Variants in KCNJ15 observed in about 807,000 individuals in gnomAD.
The protein encoded by KCNJ15 is ATP-sensitive inward rectifier potassium channel 15.
A neutral mutation model predicts 23.0 loss-of-function variants in KCNJ15; 14 were observed. That is an observed-to-expected ratio of 0.61 (90% CI 0.40 to 0.95). The LOEUF (loss-of-function observed/expected upper bound fraction) is 0.95, where lower values mean the gene tolerates loss of function less well. Ranked by LOEUF, KCNJ15 falls within the 40% of genes least tolerant of loss-of-function variation. KCNJ15 has a pLI of 0.00. For synonymous variants in KCNJ15, 185 were observed against 183.2 expected (o/e 1.01, Z -0.08); for missense variants, 388 against 461.8 (o/e 0.84, Z 1.46).
intron 1 of KCNJ15, among the ~76,000 whole-genome samples, chr21:38,247,431 T>C (rs988934378): frequency 1.3e-5 from 2 of 151,950 alleles, no homozygotes; most frequent in African/African-American, 2.4e-5. Context: ...GATGGTTGGA[T>C]AGATGCATAG....
chr21:38,231,873 T>A (rs1190559669), intron 1 of KCNJ15, among the ~76,000 whole-genome samples: 1 of 151,900 alleles, frequency 6.6e-6, no homozygotes, highest in Non-Finnish European at 1.5e-5. Context: ...AATTTGCTTG[T>A]ATTTTGTTGA....
At position 38,302,477 on chromosome 21, in the gene KCNJ15, A is replaced by G. The variant is rs1170204394; in HGVS notation, c.*2088A>G. 2 of 152,152 alleles carry G rather than the reference A, an allele frequency of 1.3e-5. No individual in the cohort carries two copies. The highest frequency in any genetic ancestry group is 3.9e-4 in the East Asian group (2 of 5,194). The allele number at this position is 152,152 out of a possible 1,614,324, so 9.4% of individuals were successfully genotyped here. On this transcript the variant is annotated 3_prime_UTR_variant, in exon 3 of 3. Transcript: ENST00000398938. Reference sequence around the variant, plus strand: ...GGGAGGATGTTGTCTTTAATTATTTAGAAGGTTTTTTTTTCCTTGTCTGTT... The same window carrying G: ...GGGAGGATGTTGTCTTTAATTATTTGGAAGGTTTTTTTTTCCTTGTCTGTT...
chr21:38,247,053 G>A (rs944163340), intron 1 of KCNJ15, among the ~76,000 whole-genome samples: 3 of 145,924 alleles, frequency 2.1e-5, no homozygotes, highest in Admixed American at 6.9e-5. Flanking sequence ...TGGATGGATG[G>A]GTGAATGGAT....
At chr21:38,246,350 CAGG>C (rs2123567601) in intron 1 of KCNJ15, among the ~76,000 whole-genome samples, 1 of 152,310 alleles carries the variant, frequency 6.6e-6, no homozygotes, top group South Asian at 2.1e-4. Context: ...CAATCAGATC[CAGG>C]AGTATTGGTT....
intron 1 of KCNJ15, among the ~76,000 whole-genome samples, chr21:38,247,057 AATGGATGGATGGATGGATGGATGG>A (rs1234072753): frequency 8.3e-6 from 1 of 119,974 alleles, no homozygotes; most frequent in Non-Finnish European, 1.8e-5. Flanking sequence ...TGGATGGGTG[AATGGATGGATGGATGGATGGATGG>A]ATGGATGGAT....
chr21:38,298,382 G>C (rs1030847562), intron 2 of KCNJ15: 1 of 152,180 alleles, frequency 6.6e-6, no homozygotes, highest in African/African-American at 2.4e-5. Context: ...TAGTTCTAAG[G>C]AGTAAGGTAG....
Position 38,300,363 on chromosome 21 carries a change from C to A in KCNJ15, c.1102C>A (p.Leu368Ile), listed in dbSNP as rs1419735106. Residue 368 changes from leucine to isoleucine, a missense_variant, in exon 3 of 3, where the codon CTT becomes ATT. By Grantham distance (5) the Leu-to-Ile change is conservative. Coordinates refer to ENST00000398938, the MANE Select transcript of KCNJ15 (RefSeq NM_170736.3). ...EDQRERELRT[L>I]LLQQSNV The stretch of plus-strand genomic sequence containing the variant: ...TCAGAGGGAAAGAGAACTGAGGACA[C>A]TTTTATTACAACAGAGCAATGTCTG... 3 of 1,612,444 alleles carry A rather than the reference C, an allele frequency of 1.9e-6. No individual in the cohort carries two copies. In the African/African-American group the frequency reaches 4.0e-5, roughly 22 times the overall value.
chr21:38,298,951 G>A (rs904601137), intron 2 of KCNJ15, among the ~76,000 whole-genome samples: 1 of 147,132 alleles, frequency 6.8e-6, no homozygotes, highest in Admixed American at 6.6e-5. Flanking sequence ...AGGTTGTATT[G>A]CCATTTTAAA....
chr21:38,290,357 A>T (rs1984467122), intron 1 of KCNJ15, among the ~76,000 whole-genome samples: 1 of 151,862 alleles, frequency 6.6e-6, no homozygotes, highest in Non-Finnish European at 1.5e-5. Context: ...ATGGAAAAGA[A>T]TTTTTTTTAG....
chr21:38,280,027 C>T (rs1983152556), intron 1 of KCNJ15, among the ~76,000 whole-genome samples: 1 of 152,136 alleles, frequency 6.6e-6, no homozygotes, highest in Non-Finnish European at 1.5e-5. Flanking sequence ...AACAACTCCC[C>T]TCAAGTGGCA....
Position 38,289,196 on chromosome 21 carries a change from C to CAA in KCNJ15, c.-116-7709_-116-7708dup, listed in dbSNP as rs66914079. Reference sequence around the variant, plus strand: ...CCTCGGCAACAGAGCAAGACTGTCTCAAAAAAAAAAAAAAAAAAAAAAGGT... The same window carrying CAA: ...CCTCGGCAACAGAGCAAGACTGTCTCAAAAAAAAAAAAAAAAAAAAAAAAGGT... On this transcript the variant is annotated intron_variant, in intron 1 of 2. Transcript: ENST00000398938. Among the ~76,000 whole-genome samples the CAA allele has an allele frequency of 8.6e-3, 622 of 72,082 alleles. 5 individuals are homozygous for CAA. The highest frequency in any genetic ancestry group is 0.026 in the African/African-American group (544 of 21,206). 47.3% of individuals were successfully genotyped at this position (72,082 alleles called of 152,430 possible).
intron 1 of KCNJ15, among the ~76,000 whole-genome samples, chr21:38,259,327 G>A (rs1980632193): frequency 6.6e-6 from 1 of 152,140 alleles, no homozygotes; most frequent in Non-Finnish European, 1.5e-5. Flanking sequence ...CAGAGACTGA[G>A]CTGTAAGCAT....
Position 38,300,522 on chromosome 21 carries a change from T to C in KCNJ15, c.*133T>C. On this transcript the variant is annotated 3_prime_UTR_variant, in exon 3 of 3. Transcript: ENST00000398938. ...AAACTGCACGGACATACAAAATCAA[T>C]CTTTTCCTTTGATCTTGTGGCTAAA... 1.4e-6 allele frequency: 1 copy of C among 712,492 alleles called. No individual in the cohort carries two copies. Among genetic ancestry groups the C allele is most frequent in the East Asian group, 2.8e-5 (1 of 36,118 alleles). The allele number at this position is 712,492 out of a possible 1,614,324, so 44.1% of individuals were successfully genotyped here.
chr21:38,272,363 A>C (rs1982197354), intron 1 of KCNJ15: 1 of 152,394 alleles, frequency 6.6e-6, no homozygotes, highest in African/African-American at 2.4e-5. Flanking sequence ...GCTCTGCCTG[A>C]ATGCTCAGCT....
intron 1 of KCNJ15, among the ~76,000 whole-genome samples, chr21:38,276,533 C>T (rs1399727255): frequency 2.0e-5 from 3 of 151,958 alleles, no homozygotes; most frequent in Non-Finnish European, 4.4e-5. Flanking sequence ...AAGAAGGGAG[C>T]AACAGACATT....
intron 1 of KCNJ15, among the ~76,000 whole-genome samples, chr21:38,260,402 C>G (rs180957299): frequency 6.6e-6 from 1 of 150,568 alleles, no homozygotes; most frequent in Admixed American, 6.5e-5. Context: ...AGGGAAAGGT[C>G]AGAACTCCAT....
intron 1 of KCNJ15, among the ~76,000 whole-genome samples, chr21:38,280,002 A>G (rs1355428521): frequency 1.3e-5 from 2 of 152,286 alleles, no homozygotes; most frequent in African/African-American, 4.8e-5. Flanking sequence ...TTGGCCAACT[A>G]GGTTTAAACT....
intron 1 of KCNJ15, among the ~76,000 whole-genome samples, chr21:38,292,483 C>T (rs1291022357): frequency 6.6e-6 from 1 of 152,090 alleles, no homozygotes; most frequent in East Asian, 1.9e-4. Context: ...TACAACTTTC[C>T]CTAAAAAGCT....
In KCNJ15 at chr21:38,299,161, A is replaced by G. The variant is rs139073513; in HGVS notation, c.-18-83A>G. On this transcript the variant is annotated intron_variant, in intron 2 of 2. Coordinates refer to ENST00000398938, the MANE Select transcript of KCNJ15 (RefSeq NM_170736.3). The surrounding 1 kb of genome is among the most constrained non-coding windows in gnomAD (Gnocchi z 4.5). ...TTCTTGTGTACTTCCATGTACATTC[A>G]TACTTACTTCACATGATGATTCTAT... is the stretch of plus-strand genomic sequence containing the variant. 2.3e-3 allele frequency: 2,396 copies of G among 1,058,632 alleles called. 8 individuals carry two copies. Among genetic ancestry groups the G allele is most frequent in the South Asian group, 2.9e-3 (191 of 65,512 alleles). 65.6% of individuals were successfully genotyped at this position (1,058,632 alleles called of 1,614,324 possible).
Sources: gnomAD v4.1 joint callset for allele counts (sites outside exome capture counted in the v4.1 genomes callset) on GRCh38, gnomAD v4.1.1 for gene constraint, Gnocchi (gnomAD v3.1) non-coding constraint, MANE v1.5 for transcripts, NCBI Gene and HGNC (gene_info 2026-07-23, HGNC 2026-07-21) for gene names.